Variants in MYO16 observed in about 807,000 individuals in gnomAD.
MYO16 encodes myosin XVI.
Under a neutral mutation model 205.3 loss-of-function variants are expected in MYO16, and 94 were observed. The ratio of observed to expected loss-of-function variants is 0.46; its 90% CI spans 0.39 to 0.54. The LOEUF is 0.54. MYO16 is among the 20% of genes least tolerant of loss of function. The pLI is 0.00. For synonymous variants in MYO16, 988 were observed against 954.0 expected, an observed-to-expected ratio of 1.04 and a Z score of -0.66; for missense variants, 2,315 against 2,387.5, an observed-to-expected ratio of 0.97 and a Z score of 0.63.
At chr13:108,538,931 A>C in the MYO16 span, among the ~76,000 whole-genome samples, 1 of 152,178 alleles carries the variant, frequency 6.6e-6, no homozygotes, top group East Asian at 1.9e-4. Context: ...GAAGTTTTAA[A>C]TCTTCCCTTT....
At chr13:108,970,784 G>C (rs1237643398) in intron 20 of MYO16, among the ~76,000 whole-genome samples, 1 of 152,076 alleles carries the variant, frequency 6.6e-6, no homozygotes, top group Admixed American at 6.5e-5. Flanking sequence ...CCCTCCGATA[G>C]TCCAGGGCAA....
In MYO16 at chr13:108,785,705, A is replaced by G. The variant is rs1165194262; in HGVS notation, c.578A>G (p.Glu193Gly). ...TTAGATTATGCTGTAGAAGGGACAG[A>G]ATCCAGCTCTATCCTGTTGACCTAT... is the stretch of plus-strand genomic sequence containing the variant. ...IPLDYAVEGT[E>G]SSSILLTYLD... is the part of the protein sequence containing the mutation. The change falls in exon 5 of 35, where the codon GAA becomes GGA. Residue 193 changes from glutamate to glycine, a missense_variant. Coordinates refer to ENST00000457511, the MANE Select transcript of MYO16 (RefSeq NM_001198950.3). 2 of 1,613,432 alleles carry G rather than the reference A, an allele frequency of 1.2e-6. No individual in the cohort carries two copies. The highest frequency in any genetic ancestry group is 3.3e-5 in the Admixed American group (2 of 59,950).
At chr13:109,155,131 T>C (rs1478284008) in intron 32 of MYO16, among the ~76,000 whole-genome samples, 5 of 152,186 alleles carry the variant, frequency 3.3e-5, no homozygotes. Flanking sequence ...TTACTATCAA[T>C]GCATTCTTCC....
chr13:108,869,804 A>G (rs1878958857), intron 12 of MYO16, among the ~76,000 whole-genome samples: 2 of 148,796 alleles, frequency 1.3e-5, no homozygotes, highest in Non-Finnish European at 3.0e-5. Flanking sequence ...GCAAGTTTGT[A>G]AAATTTATTA....
chr13:108,556,210 A>T, the MYO16 span, among the ~76,000 whole-genome samples: 1 of 152,114 alleles, frequency 6.6e-6, no homozygotes, highest in African/African-American at 2.4e-5. Context: ...ATTTTCAGGA[A>T]CTTTCACACT....
intron 6 of MYO16, among the ~76,000 whole-genome samples, chr13:108,798,391 G>T (rs543668016): frequency 1.1e-4 from 16 of 152,238 alleles, no homozygotes; most frequent in Non-Finnish European, 4.4e-5. Context: ...GACGGGTTTG[G>T]AGTTGCCTTT....
chr13:108,496,348 G>C, the MYO16 span, among the ~76,000 whole-genome samples: 1 of 152,218 alleles, frequency 6.6e-6, no homozygotes, highest in Admixed American at 6.5e-5. Context: ...GCTCCCAGGC[G>C]CGATGGGGGC....
At chr13:108,501,335 T>C in the MYO16 span, among the ~76,000 whole-genome samples, 1 of 152,180 alleles carries the variant, frequency 6.6e-6, no homozygotes, top group African/African-American at 2.4e-5. Context: ...TGAGCTCTGC[T>C]TAGGGACCCT....
chr13:109,025,611 A>G (rs887522730), intron 23 of MYO16, among the ~76,000 whole-genome samples: 1 of 152,192 alleles, frequency 6.6e-6, no homozygotes, highest in Non-Finnish European at 1.5e-5. Flanking sequence ...GGCTTCTCTT[A>G]AAAGTCTGAT....
intron 34 of MYO16, among the ~76,000 whole-genome samples, chr13:109,198,888 C>T (rs895783781): frequency 1.3e-5 from 2 of 152,130 alleles, no homozygotes; most frequent in African/African-American, 4.8e-5. Flanking sequence ...GGGTTCCATC[C>T]CAGGCATTCC....
chr13:108,734,656 C>A (rs1223184401), intron 4 of MYO16, among the ~76,000 whole-genome samples: 1 of 152,346 alleles, frequency 6.6e-6, no homozygotes, highest in East Asian at 1.9e-4. Context: ...ATAGCCCAAG[C>A]ATACACAGAA....
At chr13:108,830,438 G>A (rs1158203205) in intron 9 of MYO16, among the ~76,000 whole-genome samples, 1 of 151,510 alleles carries the variant, frequency 6.6e-6, no homozygotes, top group Non-Finnish European at 1.5e-5. Context: ...CCATAAAAAA[G>A]GATGAGTTCA....
At chr13:109,161,168 C>T (rs1030458883) in intron 32 of MYO16, among the ~76,000 whole-genome samples, 5 of 152,356 alleles carry the variant, frequency 3.3e-5, no homozygotes, top group African/African-American at 1.2e-4. Context: ...GATGTCGATA[C>T]TGAAGCCGCA....
chr13:109,188,820 G>A (rs748397677), intron 34 of MYO16, among the ~76,000 whole-genome samples: 10 of 152,166 alleles, frequency 6.6e-5, no homozygotes, highest in South Asian at 2.1e-4. Flanking sequence ...AGGGCCAGGC[G>A]CAGTGGCTCA....
At chr13:108,561,272 T>G in the MYO16 span, among the ~76,000 whole-genome samples, 10 of 152,256 alleles carry the variant, frequency 6.6e-5, no homozygotes, top group Non-Finnish European at 1.3e-4. Flanking sequence ...CTCTTTCCCA[T>G]TAGTTCAACT....
chr13:108,774,802 G>A (rs778593631), intron 4 of MYO16, among the ~76,000 whole-genome samples: 1 of 152,160 alleles, frequency 6.6e-6, no homozygotes, highest in Non-Finnish European at 1.5e-5. Flanking sequence ...GGTTTAGGCT[G>A]TTAGTAGGCA....
rs956992682 is a variant in MYO16 at position 108,776,608 on chromosome 13, G to T, written c.508-9027G>T. 2.6e-5 allele frequency among the ~76,000 whole-genome samples: 4 copies of T among 152,100 alleles called. 1 individual carries two copies. The South Asian group carries it at 8.3e-4, about 32-fold the overall frequency. On this transcript the variant is annotated intron_variant, in intron 4 of 34. Transcript: ENST00000457511. ...CACTCCAATAAAACTGCTTCAAATA[G>T]GCACCTACAATGCCCTCCTGAGTTT... is the stretch of plus-strand genomic sequence containing the variant.
At chr13:108,753,370 C>CAAAAAAAAAAAA (rs534466420) in intron 4 of MYO16, among the ~76,000 whole-genome samples, 15 of 111,770 alleles carry the variant, frequency 1.3e-4, no homozygotes, top group African/African-American at 4.2e-4. Context: ...AACTCTGTGA[C>CAAAAAAAAAAAA]AAAAAAAAAA....
intron 32 of MYO16, among the ~76,000 whole-genome samples, chr13:109,157,345 C>G (rs1018412347): frequency 1.3e-5 from 2 of 151,920 alleles, no homozygotes; most frequent in Non-Finnish European, 2.9e-5. Context: ...GACTCCAAAG[C>G]TCTCTGCTCC....
Sources: gnomAD v4.1 joint callset for allele counts (sites outside exome capture counted in the v4.1 genomes callset) on GRCh38, gnomAD v4.1.1 for gene constraint, MANE v1.5 for transcripts, NCBI Gene and HGNC (gene_info 2026-07-23, HGNC 2026-07-21) for gene names.